Variants in WDR26 observed in about 807,000 individuals in gnomAD.
The protein encoded by WDR26 is WD repeat domain 26.
In WDR26, 5 loss-of-function variants were observed where a neutral mutation model predicts 84.1. That is an observed-to-expected ratio of 0.06 (90% CI 0.03 to 0.13). The LOEUF is 0.13. WDR26 is among the 10% of genes least tolerant of loss of function. The pLI, the probability that WDR26 is intolerant of heterozygous loss-of-function variation, is 1.00. For synonymous variants in WDR26, 415 were observed against 389.6 expected, an observed-to-expected ratio of 1.07 and a Z score of -0.77; for missense variants, 642 against 974.9, an observed-to-expected ratio of 0.66 and a Z score of 4.55.
At chr1:224,424,741 A>ATGGT in intron 3 of WDR26, 87 bp from the exon 4 acceptor site, 5 of 1,518,778 alleles carry the variant, frequency 3.3e-6, no homozygotes, top group East Asian at 2.3e-5. Flanking sequence ...AGTAGAAACC[A>ATGGT]TTCTACTATG....
chr1:224,392,823 T>C (rs1363260169), intron 13 of WDR26, among the ~76,000 whole-genome samples: 1 of 151,822 alleles, frequency 6.6e-6, no homozygotes, highest in African/African-American at 2.4e-5. Flanking sequence ...ATATACTTTT[T>C]CAAACCATAC....
chr1:224,387,571 T>C lies in WDR26; in HGVS notation c.*2264A>G, dbSNP rs541007791. On this transcript the variant is annotated 3_prime_UTR_variant, in exon 14 of 14. Transcript: ENST00000414423. ...TTTTTAAACTGTACTTCAGAAGCACTCTGAAAACTCAGATCTAGGGGTGGT... is the reference window on the plus strand; with the variant it reads ...TTTTTAAACTGTACTTCAGAAGCACCCTGAAAACTCAGATCTAGGGGTGGT... 1 of 152,732 alleles carries C rather than the reference T, an allele frequency of 6.5e-6. No individual in the cohort carries two copies. Among genetic ancestry groups the C allele is most frequent in the South Asian group, 2.1e-4 (1 of 4,826 alleles). 9.5% of individuals were successfully genotyped at this position (152,732 alleles called of 1,614,324 possible).
chr1:224,398,672 A>T, intron 10 of WDR26, 79 bp from the exon 11 acceptor site: 1 of 1,364,356 alleles, frequency 7.3e-7, no homozygotes, highest in Non-Finnish European at 1.0e-6. Flanking sequence ...AAGATGTGCT[A>T]GCTTAAGTAT....
In WDR26 at chr1:224,385,282, T is replaced by A. The variant is rs1333773145; in HGVS notation, c.*4553A>T. ...AAATCAAAGTTAATGTAGTTTCAGT[T>A]GAACAAAAATTTAAAGACGTTTAAT... On this transcript the variant is annotated 3_prime_UTR_variant, in exon 14 of 14. Coordinates refer to ENST00000414423, the MANE Select transcript of WDR26 (RefSeq NM_001379403.1). 6.6e-6 allele frequency: 1 copy of A among 152,184 alleles called. No individual in the cohort carries two copies. The highest frequency in any genetic ancestry group is 1.5e-5 in the Non-Finnish European group (1 of 68,034). The allele number at this position is 152,184 out of a possible 1,614,324, so 9.4% of individuals were successfully genotyped here. A position where few individuals can be genotyped will look rare whatever the true frequency, so the allele number is the denominator to read the frequency against.
chr1:224,434,778 T>C lies in WDR26; in HGVS notation c.-373A>G. The C allele has an allele frequency of 1.0e-6, 1 of 986,258 alleles. No individual in the cohort carries two copies. Among genetic ancestry groups the C allele is most frequent in the Non-Finnish European group, 1.2e-6 (1 of 830,284 alleles). The allele number at this position is 986,258 out of a possible 1,614,324, so 61.1% of individuals were successfully genotyped here. ...CTCTGCTCCCTGGTGTGTTGATTCT[T>C]CCCCCAGCTGCTGCCTAATGGAGTC... On this transcript the variant is annotated 5_prime_UTR_variant, in exon 1 of 14. Coordinates refer to ENST00000414423, the MANE Select transcript of WDR26 (RefSeq NM_001379403.1).
At position 224,410,875 on chromosome 1, in the gene WDR26, GTGACAGACTCTCC is replaced by G. The variant is rs138793273; in HGVS notation, c.1458+539_1458+551del. ...CATCATGCCTGGCTAATTTTTTGTA[GTGACAGACTCTCC>G]TCTATGTTGTCCAGGCTGCTCTTGA... On this transcript the variant is annotated intron_variant, in intron 7 of 13. Transcript: ENST00000414423. Among the ~76,000 whole-genome samples the G allele has an allele frequency of 1.2e-3, 189 of 151,654 alleles. 4 individuals carry two copies. The East Asian group carries it at 0.035, about 28-fold the overall frequency.
In WDR26 at chr1:224,424,559, C is replaced by G; in HGVS notation, c.1023G>C (p.Thr341=). 6.2e-7 allele frequency: 1 copy of G among 1,614,048 alleles called. No individual in the cohort carries two copies. Among genetic ancestry groups the G allele is most frequent in the Non-Finnish European group, 8.5e-7 (1 of 1,179,934 alleles). Residue 341 remains threonine (T), a synonymous_variant, in exon 4 of 14, where the codon ACG becomes ACC. Transcript: ENST00000414423. ...TGCGCTCTGTATTGTATTTCAGCGG[C>G]GTCAATTCACAGCGTAGAACTTGAA...
At chr1:224,405,843 G>A (rs965616287) in intron 7 of WDR26, among the ~76,000 whole-genome samples, 11 of 152,194 alleles carry the variant, frequency 7.2e-5, no homozygotes, top group Admixed American at 6.5e-5. Flanking sequence ...TTCCCTGTGT[G>A]TGAAAAGCCA....
intron 6 of WDR26, chr1:224,413,200 AAC>A (rs933803204): frequency 9.4e-6 from 8 of 850,490 alleles, no homozygotes; most frequent in African/African-American, 3.6e-5. Context: ...CAACAACAAC[AAC>A]AAAAACCCCC....
intron 6 of WDR26, 97 bp downstream of exon 6, chr1:224,418,163 G>A: frequency 1.0e-6 from 1 of 968,264 alleles, no homozygotes. Flanking sequence ...AATCAGACAT[G>A]AACTGTTATA....
Position 224,427,118 on chromosome 1 carries a change from A to AG in WDR26, c.928-2465_928-2464insC, listed in dbSNP as rs1297985674. 6.0e-4 allele frequency among the ~76,000 whole-genome samples: 91 copies of AG among 151,370 alleles called. 1 individual carries two copies. The highest frequency in any genetic ancestry group is 1.0e-3 in the Non-Finnish European group (71 of 67,822). The stretch of plus-strand genomic sequence containing the variant: ...AACTCTGTCTCCAAAAAAAAAAAAA[A>AG]AAAAAAAAAGTTTCATTCCATTTTG... On this transcript the variant is annotated intron_variant, in intron 3 of 13. Transcript: ENST00000414423.
Position 224,424,765 on chromosome 1 carries a change from CTT to C in WDR26, c.928-113_928-112del, listed in dbSNP as rs768504296. ...CATTCTACTATGCCCTTTGAAATAA[CTT>C]TTTATAAAGCTTCAAGATGACTCAA... On this transcript the variant is annotated intron_variant, in intron 3 of 13. Transcript: ENST00000414423. 2.9e-6 allele frequency: 4 copies of C among 1,390,964 alleles called. No homozygotes were observed. In the African/African-American group the frequency reaches 5.7e-5, roughly 20 times the overall value. The allele number at this position is 1,390,964 out of a possible 1,614,324, so 86.2% of individuals were successfully genotyped here.
chr1:224,420,681 A>C (rs1037039235), intron 4 of WDR26, among the ~76,000 whole-genome samples: 12 of 152,162 alleles, frequency 7.9e-5, no homozygotes, highest in African/African-American at 2.7e-4. Context: ...TTAGTACATA[A>C]ATAGTGCTTT....
Position 224,388,689 on chromosome 1 carries a change from A to C in WDR26, c.*1146T>G, listed in dbSNP as rs1388417898. ...TAAGAAAAATGACTATGAGGTTTTAATCCCAGTTTAAGTATGTCTGTAACC... is the reference window on the plus strand; with the variant it reads ...TAAGAAAAATGACTATGAGGTTTTACTCCCAGTTTAAGTATGTCTGTAACC... On this transcript the variant is annotated 3_prime_UTR_variant, in exon 14 of 14. Transcript: ENST00000414423. 2.0e-5 allele frequency: 3 copies of C among 152,654 alleles called. No individual in the cohort carries two copies. The East Asian group carries it at 5.8e-4, about 29-fold the overall frequency. 9.5% of individuals were successfully genotyped at this position (152,654 alleles called of 1,614,324 possible).
At chr1:224,424,736 AAACC>A in intron 3 of WDR26, 82 bp from the exon 4 acceptor site, 1 of 1,572,732 alleles carries the variant, frequency 6.4e-7, no homozygotes, top group Non-Finnish European at 8.7e-7. Context: ...AGAACAGTAG[AAACC>A]ATTCTACTAT....
intron 12 of WDR26, among the ~76,000 whole-genome samples, chr1:224,396,006 G>A (rs558478928): frequency 1.3e-5 from 2 of 152,252 alleles, no homozygotes; most frequent in Admixed American, 6.5e-5. Context: ...GGGATTTGGA[G>A]GGTCATTGAA....
rs1673067567 is a variant in WDR26 at position 224,389,539 on chromosome 1, A to G, written c.*296T>C. The G allele has an allele frequency of 1.9e-6, 1 of 514,860 alleles. No homozygotes were observed. The allele number at this position is 514,860 out of a possible 1,614,324, so 31.9% of individuals were successfully genotyped here. On this transcript the variant is annotated 3_prime_UTR_variant, in exon 14 of 14. Coordinates refer to ENST00000414423, the MANE Select transcript of WDR26 (RefSeq NM_001379403.1). ...CTGCCAGACAAAAGACAGGAAGGAA[A>G]AAAATATATATACTGAGTTCAATGG...
At chr1:224,419,340 T>C (rs999968711) in intron 5 of WDR26, 178 bp downstream of exon 5, 7 of 554,760 alleles carry the variant, frequency 1.3e-5, no homozygotes, top group Admixed American at 1.2e-4. Flanking sequence ...GCCCTTTCAC[T>C]GACTCCTGAG....
At chr1:224,406,355 T>C (rs1673548601) in intron 7 of WDR26, among the ~76,000 whole-genome samples, 1 of 152,180 alleles carries the variant, frequency 6.6e-6, no homozygotes, top group South Asian at 2.1e-4. Context: ...AGTTTTAGAC[T>C]TTAGTCTTAA....
Sources: allele counts gnomAD v4.1 joint callset (sites outside exome capture counted in the v4.1 genomes callset), GRCh38; gene constraint gnomAD v4.1.1; transcripts MANE v1.5; gene names NCBI Gene and HGNC (gene_info 2026-07-23, HGNC 2026-07-21).